Variants in RNF152 observed in about 807,000 individuals in gnomAD.
The protein encoded by RNF152 is E3 ubiquitin-protein ligase RNF152.
Under a neutral mutation model 12.7 loss-of-function variants are expected in RNF152, and 11 were observed. The observed-to-expected ratio is 0.86, with a 90% CI of 0.54 to 1.43. The LOEUF (loss-of-function observed/expected upper bound fraction) is 1.43, where lower values mean the gene tolerates loss of function less well. RNF152 is among the 40% of genes most tolerant of loss of function. The pLI is 0.00. For missense variants in RNF152, 255 were observed against 274.8 expected, an observed-to-expected ratio of 0.93 and a Z score of 0.51; for synonymous variants, 113 against 120.3, an observed-to-expected ratio of 0.94 and a Z score of 0.40.
intron 1 of RNF152, among the ~76,000 whole-genome samples, chr18:61,816,940 A>T (rs1388389173): frequency 2.0e-5 from 3 of 152,224 alleles, no homozygotes; most frequent in African/African-American, 7.2e-5. Context: ...TATACTAGAG[A>T]AACTTTCCTG....
intron 1 of RNF152, among the ~76,000 whole-genome samples, chr18:61,833,954 G>A: frequency 6.6e-6 from 1 of 152,152 alleles, no homozygotes; most frequent in East Asian, 1.9e-4. Context: ...TTAATTATGT[G>A]TGGTTAGCAA....
chr18:61,884,301 C>A (rs909783395), intron 1 of RNF152, among the ~76,000 whole-genome samples: 2 of 152,070 alleles, frequency 1.3e-5, no homozygotes, highest in Non-Finnish European at 2.9e-5. Flanking sequence ...AAACCCAAAC[C>A]CATCTTACTT....
Position 61,837,042 on chromosome 18 carries a change from A to G in RNF152, c.-135-20444T>C, listed in dbSNP as rs755041226. Among the ~76,000 whole-genome samples, 5 of 152,198 alleles carry G rather than the reference A, an allele frequency of 3.3e-5. No individual in the cohort carries two copies. In the East Asian group the frequency reaches 5.8e-4, roughly 18 times the overall value. ...CCAAAGATCAACTTTAGCACCCTCA[A>G]TAATGGAAGAGCTGACATCATGCTT... On this transcript the variant is annotated intron_variant, in intron 1 of 1. Coordinates refer to ENST00000312828, the MANE Select transcript of RNF152 (RefSeq NM_173557.3).
At chr18:61,890,890 C>T (rs1385361449) in intron 1 of RNF152, among the ~76,000 whole-genome samples, 3 of 152,194 alleles carry the variant, frequency 2.0e-5, no homozygotes, top group African/African-American at 7.2e-5. Flanking sequence ...ACAACAGCAA[C>T]AGCCATTTAT....
At chr18:61,892,443 G>C (rs1913005744) in intron 1 of RNF152, among the ~76,000 whole-genome samples, 2 of 152,090 alleles carry the variant, frequency 1.3e-5, no homozygotes, top group African/African-American at 4.8e-5. Flanking sequence ...CCCACCTCTA[G>C]ACTGAAGCCT....
intron 1 of RNF152, among the ~76,000 whole-genome samples, chr18:61,821,922 T>C (rs1441983375): frequency 4.6e-5 from 7 of 152,176 alleles, no homozygotes; most frequent in African/African-American, 1.7e-4. Context: ...ATCCGTCCTG[T>C]GGAAAAATTG....
chr18:61,876,116 A>C lies in RNF152; in HGVS notation c.-136+16679T>G, dbSNP rs1198948413. ...ACTGTCTGGAAGACAGGAGCCACTT[A>C]CCCCCATGCTGTCACCAATGCCATT... is the stretch of plus-strand genomic sequence containing the variant. On this transcript the variant is annotated intron_variant, in intron 1 of 1. Coordinates refer to ENST00000312828, the MANE Select transcript of RNF152 (RefSeq NM_173557.3). Among the ~76,000 whole-genome samples, 5 of 151,832 alleles carry C rather than the reference A, an allele frequency of 3.3e-5. No individual in the cohort carries two copies. The East Asian group carries it at 9.6e-4, about 29-fold the overall frequency.
At chr18:61,894,230 C>T (rs1913115818), upstream of RNF152, 1 of 150,896 alleles carries the variant, frequency 6.6e-6, no homozygotes, top group South Asian at 2.1e-4. The surrounding 1 kb of genome is among the most constrained non-coding windows in gnomAD (Gnocchi z 4.9). Context: ...CCGGCGCGCC[C>T]GCTCCTTTCA....
At chr18:61,831,929 G>T (rs1286583283) in intron 1 of RNF152, among the ~76,000 whole-genome samples, 2 of 151,782 alleles carry the variant, frequency 1.3e-5, no homozygotes, top group Admixed American at 6.6e-5. Flanking sequence ...GTGTGGGGGG[G>T]TGTGGGTGTG....
At chr18:61,821,072 T>C (rs1909381544) in intron 1 of RNF152, among the ~76,000 whole-genome samples, 1 of 152,232 alleles carries the variant, frequency 6.6e-6, no homozygotes, top group East Asian at 1.9e-4. Context: ...GGCACATATC[T>C]GCCCAGAGGC....
intron 1 of RNF152, among the ~76,000 whole-genome samples, chr18:61,869,874 A>T (rs1015349692): frequency 5.3e-5 from 8 of 152,284 alleles, no homozygotes; most frequent in African/African-American, 1.9e-4. Context: ...AATGATGTAA[A>T]CAAAAATGAG....
rs371241499 is a variant in RNF152, at chr18:61,812,089, T to G, written c.*3763A>C. 187 of 152,344 alleles carry G rather than the reference T, an allele frequency of 1.2e-3. 1 individual carries two copies. The highest frequency in any genetic ancestry group is 4.3e-3 in the African/African-American group (179 of 41,580). The allele number at this position is 152,344 out of a possible 1,614,324, so 9.4% of individuals were successfully genotyped here. A position where few individuals can be genotyped will look rare whatever the true frequency, so the allele number is the denominator to read the frequency against. On this transcript the variant is annotated 3_prime_UTR_variant, in exon 2 of 2. Coordinates refer to ENST00000312828, the MANE Select transcript of RNF152 (RefSeq NM_173557.3). Reference sequence around the variant, plus strand: ...CCACAAACTCTCACCTTAGCCTCACTGTTACTCCATTAATACCTTGATGCT... The same window carrying G: ...CCACAAACTCTCACCTTAGCCTCACGGTTACTCCATTAATACCTTGATGCT...
chr18:61,826,093 T>C (rs1318660811), intron 1 of RNF152, among the ~76,000 whole-genome samples: 1 of 152,168 alleles, frequency 6.6e-6, no homozygotes, highest in Non-Finnish European at 1.5e-5. Context: ...TCTCAAGGAA[T>C]GAGCAAGGCT....
chr18:61,854,096 T>C (rs1416552140), intron 1 of RNF152, among the ~76,000 whole-genome samples: 1 of 152,224 alleles, frequency 6.6e-6, no homozygotes, highest in Non-Finnish European at 1.5e-5. Context: ...CCACTGCTTA[T>C]TGACTCCCCG....
chr18:61,835,741 G>A (rs189576863), intron 1 of RNF152, among the ~76,000 whole-genome samples: 1 of 152,232 alleles, frequency 6.6e-6, no homozygotes, highest in African/African-American at 2.4e-5. Context: ...CTTTAGTGGG[G>A]TACATCCTTT....
At chr18:61,851,886 T>C (rs1910997461) in intron 1 of RNF152, among the ~76,000 whole-genome samples, 1 of 152,244 alleles carries the variant, frequency 6.6e-6, no homozygotes, top group Non-Finnish European at 1.5e-5. Flanking sequence ...TTCTATCATC[T>C]TTCTAACCTC....
intron 1 of RNF152, among the ~76,000 whole-genome samples, chr18:61,844,055 AAGAG>A (rs1247475230): frequency 4.0e-5 from 6 of 149,048 alleles, no homozygotes; most frequent in Non-Finnish European, 5.9e-5. Flanking sequence ...AGAAAAAAGA[AAGAG>A]AGAAAGACAG....
At chr18:61,824,792 A>G (rs967364811) in intron 1 of RNF152, among the ~76,000 whole-genome samples, 8 of 152,232 alleles carry the variant, frequency 5.3e-5, no homozygotes, top group African/African-American at 1.9e-4. Context: ...GGCATTCATC[A>G]AACACATGGC....
At chr18:61,820,331 C>A (rs867271767) in intron 1 of RNF152, among the ~76,000 whole-genome samples, 23,258 of 39,826 alleles carry the variant, frequency 0.58, 9,549 homozygotes, top group Middle Eastern at 0.88. Flanking sequence ...TCCGTCTCAC[C>A]AAAAAAAAAA....
Sources: allele counts gnomAD v4.1 joint callset (sites outside exome capture counted in the v4.1 genomes callset), GRCh38; gene constraint gnomAD v4.1.1; non-coding constraint Gnocchi (gnomAD v3.1); transcripts MANE v1.5; gene names NCBI Gene and HGNC (gene_info 2026-07-23, HGNC 2026-07-21).